The following C21orf58 variants were observed in gnomAD, a reference collection of about 807,000 sequenced individuals.
The protein encoded by C21orf58 is chromosome 21 open reading frame 58, also known as uncharacterized protein C21orf58.
In C21orf58, 34 loss-of-function variants were observed where a neutral mutation model predicts 35.8. That is an observed-to-expected ratio of 0.95 (90% CI 0.72 to 1.26). The LOEUF is 1.26. Ranked by LOEUF, C21orf58 falls within the 50% of genes most tolerant of loss-of-function variation. The pLI, the probability that C21orf58 is intolerant of heterozygous loss-of-function variation, is 0.00. For synonymous variants in C21orf58, 191 were observed against 175.8 expected (o/e 1.09, Z -0.68); for missense variants, 440 against 414.3 (o/e 1.06, Z -0.54).
At chr21:46,301,107 A>T (rs746484009), downstream of C21orf58, 20 of 1,009,956 alleles carry the variant, frequency 2.0e-5, no homozygotes, top group Non-Finnish European at 2.3e-5. Context: ...TATTAACTCA[A>T]AAGGGATCAC....
chr21:46,321,055 A>C (rs765144178), intron 1 of C21orf58, among the ~76,000 whole-genome samples: 1 of 152,124 alleles, frequency 6.6e-6, no homozygotes, highest in Non-Finnish European at 1.5e-5. Flanking sequence ...AGGGTTTTTA[A>C]GAACAGTTTT....
chr21:46,323,771 C>G lies in C21orf58; in HGVS notation c.-1033G>C, dbSNP rs2146171994. 2.8e-5 allele frequency: 8 copies of G among 289,084 alleles called. No individual in the cohort carries two copies. The highest frequency in any genetic ancestry group is 2.2e-4 in the South Asian group (7 of 32,532). 17.9% of individuals were successfully genotyped at this position (289,084 alleles called of 1,614,324 possible). On this transcript the variant is annotated 5_prime_UTR_variant, in exon 1 of 8. Transcript: ENST00000291691. The stretch of plus-strand genomic sequence containing the variant: ...GCCCTGTCCGGGTGGTTGCTGAGCA[C>G]CGTTCGGCGCCGCCCGCGCCTGCAG...
At chr21:46,321,269 A>G (rs1166995783) in intron 1 of C21orf58, among the ~76,000 whole-genome samples, 2 of 152,098 alleles carry the variant, frequency 1.3e-5, no homozygotes, top group Non-Finnish European at 2.9e-5. Context: ...CCCAGTTTCA[A>G]GCGATTCTTC....
intron 1 of C21orf58, 128 bp downstream of exon 1, chr21:46,322,511 T>C: frequency 1.5e-6 from 2 of 1,296,966 alleles, no homozygotes; most frequent in Non-Finnish European, 9.8e-7. Flanking sequence ...ATCCTGTGGG[T>C]GCAGCCCCTG....
downstream of C21orf58, chr21:46,301,107 A>C: frequency 9.9e-7 from 1 of 1,010,076 alleles, no homozygotes; most frequent in Non-Finnish European, 1.2e-6. Context: ...TATTAACTCA[A>C]AAGGGATCAC....
intron 6 of C21orf58, among the ~76,000 whole-genome samples, chr21:46,303,739 ATATATATTTTTTTTTTTT>A (rs1213765338): frequency 3.9e-4 from 11 of 28,206 alleles, no homozygotes; most frequent in East Asian, 1.2e-3. Context: ...ATATATATAT[ATATATATTTTTTTTTTTT>A]TTTTTTTTTT....
chr21:46,301,491 T>G lies in C21orf58; in HGVS notation c.*508A>C. On this transcript the variant is annotated 3_prime_UTR_variant, in exon 8 of 8. Transcript: ENST00000291691. ...CCACAGCTGTGGACACAGGTGTCCCTAGTTATTAAATTAGACTTTGTGGTA... is the reference window on the plus strand; with the variant it reads ...CCACAGCTGTGGACACAGGTGTCCCGAGTTATTAAATTAGACTTTGTGGTA... 1.0e-6 allele frequency: 1 copy of G among 984,224 alleles called. No individual in the cohort carries two copies. The highest frequency in any genetic ancestry group is 4.7e-5 in the South Asian group (1 of 21,260). The allele number at this position is 984,224 out of a possible 1,614,324, so 61.0% of individuals were successfully genotyped here.
downstream of C21orf58, chr21:46,300,872 T>C (rs765625129): frequency 6.4e-6 from 7 of 1,100,306 alleles, no homozygotes; most frequent in Non-Finnish European, 8.3e-6. Flanking sequence ...AGAAACATAA[T>C]TGCACCCAAA....
At chr21:46,320,845 A>G (rs1458989444) in intron 1 of C21orf58, 4 of 152,160 alleles carry the variant, frequency 2.6e-5, no homozygotes, top group Admixed American at 2.6e-4. Context: ...TGGAATGTTT[A>G]TAACATTTAT....
intron 1 of C21orf58, among the ~76,000 whole-genome samples, chr21:46,320,236 G>A (rs576574065): frequency 3.3e-5 from 5 of 152,062 alleles, no homozygotes; most frequent in African/African-American, 1.2e-4. Flanking sequence ...CCGAGTAGCT[G>A]GGAGTACAGG....
chr21:46,317,129 C>A (rs982263129), intron 3 of C21orf58, 79 bp downstream of exon 3: 3 of 1,283,194 alleles, frequency 2.3e-6, no homozygotes, highest in Non-Finnish European at 2.2e-6. Context: ...GTCCCCACCT[C>A]CCCCTGGAGG....
rs760539744 is a variant in C21orf58 at position 46,318,249 on chromosome 21, G to A, written c.101-29C>T. 6 of 1,609,736 alleles carry A rather than the reference G, an allele frequency of 3.7e-6. No individual in the cohort carries two copies. In the Admixed American group the frequency reaches 6.7e-5, roughly 18 times the overall value. On this transcript the variant is annotated intron_variant, in intron 1 of 7. Coordinates refer to ENST00000291691, the MANE Select transcript of C21orf58 (RefSeq NM_058180.5). ...AGGGAAGAGAAGAGCCCTGTGGGAA[G>A]ATAGCCACACCCTCCCTGGACTGCA...
chr21:46,314,694 C>G, intron 5 of C21orf58, 22 bp downstream of exon 5: 1 of 1,425,198 alleles, frequency 7.0e-7, no homozygotes, highest in Non-Finnish European at 9.3e-7. Flanking sequence ...CTCAGATGTG[C>G]TCCTCGACTT....
chr21:46,315,157 T>C, intron 4 of C21orf58: 3 of 770,862 alleles, frequency 3.9e-6, no homozygotes, highest in East Asian at 2.8e-5. Flanking sequence ...TTTCTAGGTC[T>C]CCCCCTAGAA....
At chr21:46,318,476 GGAAGGGCAGTCGTGACC>G in intron 1 of C21orf58, 1 of 1,383,338 alleles carries the variant, frequency 7.2e-7, no homozygotes, top group Non-Finnish European at 9.4e-7. Context: ...CAGACCTGGG[GGAAGGGCAGTCGTGACC>G]CCCTATGCAC....
At chr21:46,316,621 TG>T (rs928244183) in intron 3 of C21orf58, among the ~76,000 whole-genome samples, 3 of 152,114 alleles carry the variant, frequency 2.0e-5, no homozygotes. Context: ...AGCCAGCCCT[TG>T]GGGGGGTCCC....
chr21:46,323,870 T>G lies in C21orf58; in HGVS notation c.-1132A>C. The G allele has an allele frequency of 2.5e-6, 1 of 395,368 alleles. No homozygotes were observed. Among genetic ancestry groups the G allele is most frequent in the South Asian group, 2.2e-5 (1 of 44,738 alleles). 24.5% of individuals were successfully genotyped at this position (395,368 alleles called of 1,614,324 possible). ...CGCGGGACCAGCAGCGCGAACTTTTTGCCGCTCGGCCAGCCTGGCAGGGGA... is the reference window on the plus strand; with the variant it reads ...CGCGGGACCAGCAGCGCGAACTTTTGGCCGCTCGGCCAGCCTGGCAGGGGA... On this transcript the variant is annotated 5_prime_UTR_variant, in exon 1 of 8. Transcript: ENST00000291691.
intron 1 of C21orf58, among the ~76,000 whole-genome samples, chr21:46,320,318 G>A (rs2083112190): frequency 6.6e-6 from 1 of 151,942 alleles, no homozygotes; most frequent in African/African-American, 2.4e-5. Flanking sequence ...GGCCAGACTG[G>A]TCTCGAACTC....
chr21:46,315,091 T>C (rs1434309177), intron 4 of C21orf58: 38 of 1,386,030 alleles, frequency 2.7e-5, no homozygotes, highest in Non-Finnish European at 3.6e-5. Flanking sequence ...CCAGTTGTTT[T>C]CTTTTTCCAG....
Sources: allele counts gnomAD v4.1 joint callset (sites outside exome capture counted in the v4.1 genomes callset), GRCh38; gene constraint gnomAD v4.1.1; transcripts MANE v1.5; gene names NCBI Gene and HGNC (gene_info 2026-07-23, HGNC 2026-07-21).